Variants in SHANK2 observed in about 807,000 individuals in gnomAD.
SHANK2 encodes the protein SH3 and multiple ankyrin repeat domains protein 2.
In SHANK2, 43 loss-of-function variants were observed where a neutral mutation model predicts 133.7. The ratio of observed to expected loss-of-function variants is 0.32; its 90% CI spans 0.25 to 0.41. The LOEUF (loss-of-function observed/expected upper bound fraction) is 0.41, where lower values mean the gene tolerates loss of function less well. Ranked by LOEUF, SHANK2 falls within the 10% of genes least tolerant of loss-of-function variation. SHANK2 has a pLI of 1.00. For synonymous variants in SHANK2, 1,017 were observed against 952.8 expected, an observed-to-expected ratio of 1.07 and a Z score of -1.24; for missense variants, 1,994 against 2,235.8, an observed-to-expected ratio of 0.89 and a Z score of 2.18.
intron 17 of SHANK2, chr11:70,646,334 G>A (rs150754459): frequency 1.8e-4 from 27 of 152,430 alleles, no homozygotes; most frequent in African/African-American, 6.3e-4. Flanking sequence ...AGCATTTAGG[G>A]CTTCCCAAGG....
rs558266909 is a variant in SHANK2, at chr11:70,820,436, C to T, written c.1421G>A (p.Arg474Gln). Reference protein sequence around the residue: ...IGSYVPGPRSRSPSLNRLGGA... With the variant: ...IGSYVPGPRSQSPSLNRLGGA... ...GCCCAGCCTGTTGAGCGATGGGGAC[C>T]GGCTGCGGGGCCCGGGCACGTAGCT... The change falls in exon 12 of 26, where the codon CGG becomes CAG. Residue 474 changes from arginine to glutamine, a missense_variant. By Grantham distance (43) the Arg-to-Gln change is conservative (BLOSUM62 1). Transcript: ENST00000601538. 1.9e-4 allele frequency: 137 copies of T among 710,686 alleles called. 1 individual carries two copies. The highest frequency in any genetic ancestry group is 1.9e-3 in the African/African-American group (110 of 57,176). The allele number at this position is 710,686 out of a possible 1,614,324, so 44.0% of individuals were successfully genotyped here. A position where few individuals can be genotyped will look rare whatever the true frequency, so the allele number is the denominator to read the frequency against.
intron 21 of SHANK2, among the ~76,000 whole-genome samples, chr11:70,498,911 C>G (rs2059010448): frequency 6.6e-6 from 1 of 152,154 alleles, no homozygotes. Flanking sequence ...CCAGCATGAC[C>G]TCATCTTGAT....
chr11:70,768,206 G>C (rs1555041853), intron 14 of SHANK2, among the ~76,000 whole-genome samples: 3 of 152,000 alleles, frequency 2.0e-5, no homozygotes, highest in African/African-American at 7.3e-5. Flanking sequence ...CTCCCTGCCT[G>C]TCTACTGGGG....
At chr11:70,733,701 G>A (rs1310698589) in intron 14 of SHANK2, among the ~76,000 whole-genome samples, 4 of 152,236 alleles carry the variant, frequency 2.6e-5, no homozygotes, top group Non-Finnish European at 4.4e-5. Flanking sequence ...AGGTCATGGA[G>A]AGGGGGGTGG....
intron 11 of SHANK2, among the ~76,000 whole-genome samples, chr11:70,845,198 C>CAAAAAAAAAAAAAAA (rs782471301): frequency 5.8e-5 from 3 of 51,642 alleles, no homozygotes; most frequent in Non-Finnish European, 7.6e-5. Context: ...GACTCTGTCT[C>CAAAAAAAAAAAAAAA]AAAAAAAAAA....
chr11:71,221,887 T>C (rs1954548342), intron 2 of SHANK2, among the ~76,000 whole-genome samples: 1 of 151,972 alleles, frequency 6.6e-6, no homozygotes, highest in Admixed American at 6.6e-5. Flanking sequence ...CACAAGACAA[T>C]GTTCATGATC....
intron 17 of SHANK2, among the ~76,000 whole-genome samples, chr11:70,534,963 C>T (rs2059525655): frequency 6.6e-6 from 1 of 152,046 alleles, no homozygotes; most frequent in African/African-American, 2.4e-5. Flanking sequence ...GTGGATAGTG[C>T]CTCTGGCTGG....
intron 12 of SHANK2, among the ~76,000 whole-genome samples, chr11:70,819,617 G>C (rs1055152122): frequency 2.0e-5 from 3 of 152,186 alleles, no homozygotes; most frequent in Non-Finnish European, 4.4e-5. Context: ...GACGCCGAAT[G>C]GGGTGCTGGG....
At chr11:71,070,499 G>A (rs903372322) in intron 9 of SHANK2, among the ~76,000 whole-genome samples, 8 of 152,216 alleles carry the variant, frequency 5.3e-5, no homozygotes, top group East Asian at 3.9e-4. Flanking sequence ...ACAGCTGTCC[G>A]CCCTGGAATG....
intron 9 of SHANK2, among the ~76,000 whole-genome samples, chr11:71,063,831 C>T (rs991486266): frequency 3.3e-5 from 5 of 152,174 alleles, no homozygotes; most frequent in South Asian, 4.1e-4. Flanking sequence ...ATGAATTTTC[C>T]GAGACACTTC....
chr11:70,917,478 C>T (rs1236033319), intron 10 of SHANK2, among the ~76,000 whole-genome samples: 1 of 152,130 alleles, frequency 6.6e-6, no homozygotes, highest in Non-Finnish European at 1.5e-5. Flanking sequence ...GACAGAAATG[C>T]CATTCGACTC....
intron 17 of SHANK2, among the ~76,000 whole-genome samples, chr11:70,591,538 AAAAAAG>A (rs1353845458): frequency 7.9e-6 from 1 of 126,982 alleles, no homozygotes; most frequent in Non-Finnish European, 1.7e-5. Context: ...TGCTTTTCTT[AAAAAAG>A]AAAAAGAAAA....
At chr11:71,196,563 C>T (rs907795222) in intron 2 of SHANK2, among the ~76,000 whole-genome samples, 10 of 148,412 alleles carry the variant, frequency 6.7e-5, no homozygotes, top group Admixed American at 3.4e-4. Context: ...GAATTGTAGG[C>T]GTGAGCCATT....
intron 14 of SHANK2, among the ~76,000 whole-genome samples, chr11:70,736,066 A>T (rs1555033472): frequency 6.6e-6 from 1 of 151,038 alleles, no homozygotes; most frequent in Non-Finnish European, 1.5e-5. Flanking sequence ...GGCAAACTAG[A>T]TCCAAGCCTG....
intron 2 of SHANK2, among the ~76,000 whole-genome samples, chr11:71,167,198 A>T (rs1412413380): frequency 6.6e-6 from 1 of 152,184 alleles, no homozygotes; most frequent in African/African-American, 2.4e-5. Flanking sequence ...CTTTCTACAC[A>T]GACACGGCAA....
At chr11:70,670,754 C>T (rs549069609) in intron 15 of SHANK2, among the ~76,000 whole-genome samples, 7 of 152,352 alleles carry the variant, frequency 4.6e-5, no homozygotes, top group South Asian at 4.1e-4. Flanking sequence ...GTGACAGCCC[C>T]GGCCAGCCTG....
At chr11:70,654,043 AAGT>A (rs2061373794) in intron 17 of SHANK2, 1 of 152,250 alleles carries the variant, frequency 6.6e-6, no homozygotes, top group Non-Finnish European at 1.5e-5. Context: ...TCTCTCGTGC[AAGT>A]ATTTAATACG....
At chr11:70,596,092 C>A (rs1387800459) in intron 17 of SHANK2, among the ~76,000 whole-genome samples, 6 of 152,224 alleles carry the variant, frequency 3.9e-5, no homozygotes, top group African/African-American at 1.4e-4. Context: ...GTCCACCCAG[C>A]TGACACCTTG....
At chr11:70,806,813 C>T (rs1555051957) in intron 13 of SHANK2, among the ~76,000 whole-genome samples, 189 bp downstream of exon 13, 1 of 152,240 alleles carries the variant, frequency 6.6e-6, no homozygotes, top group Non-Finnish European at 1.5e-5. Context: ...ACTGGGGAAG[C>T]CGCAGCAGCT....
Sources: gnomAD v4.1 joint callset for allele counts (sites outside exome capture counted in the v4.1 genomes callset) on GRCh38, gnomAD v4.1.1 for gene constraint, MANE v1.5 for transcripts, NCBI Gene and HGNC (gene_info 2026-07-23, HGNC 2026-07-21) for gene names.